STARD9: variants seen among roughly 807,000 people sequenced by gnomAD.
STARD9 encodes StAR related lipid transfer domain containing 9, also known as stAR-related lipid transfer protein 9.
In STARD9, 346 loss-of-function variants were observed where a neutral mutation model predicts 399.8. That is an observed-to-expected ratio of 0.87 (90% CI 0.79 to 0.95). The LOEUF (loss-of-function observed/expected upper bound fraction) is 0.95. Among genes scored for constraint, STARD9 ranks in the 40% least tolerant of loss-of-function variants. The pLI, the probability that STARD9 is intolerant of heterozygous loss-of-function variation, is 0.00. For synonymous variants in STARD9, 2,203 were observed against 2,143.5 expected, an observed-to-expected ratio of 1.03 and a Z score of -0.77; for missense variants, 5,832 against 5,667.5, an observed-to-expected ratio of 1.03 and a Z score of -0.93.
intron 3 of STARD9, among the ~76,000 whole-genome samples, chr15:42,618,151 G>T (rs2059011739): frequency 6.6e-6 from 1 of 151,930 alleles, no homozygotes; most frequent in South Asian, 2.1e-4. Flanking sequence ...ATTTATTTAT[G>T]ATTTACAGGG....
rs1401910127 is a variant in STARD9 at position 42,651,101 on chromosome 15, GTTTC to G, written c.629+18_629+21del. The G allele has an allele frequency of 6.6e-7, 1 of 1,516,650 alleles. No individual in the cohort carries two copies. 93.9% of individuals were successfully genotyped at this position (1,516,650 alleles called of 1,614,324 possible). ...TTGCAAACAGGTAACAGGTTTGTTTGTTTCTGTCATTCTTTTATCCTCACACTCC... is the reference window on the plus strand; with the variant it reads ...TTGCAAACAGGTAACAGGTTTGTTTGTGTCATTCTTTTATCCTCACACTCC... On this transcript the variant is annotated intron_variant, in intron 8 of 32. Transcript: ENST00000290607.
At position 42,654,171 on chromosome 15, in the gene STARD9, G is replaced by A. The variant is rs548686165; in HGVS notation, c.702+1579G>A. ...TAAAAATACCTAACAGTTAAAGGCA[G>A]TGGAGGAAGAACAGAGGAACAAAGG... On this transcript the variant is annotated intron_variant, in intron 9 of 32. Transcript: ENST00000290607. Among the ~76,000 whole-genome samples, 51 of 152,244 alleles carry A rather than the reference G, an allele frequency of 3.3e-4. 1 individual carries two copies. In the South Asian group the frequency reaches 7.3e-3, roughly 22 times the overall value.
At chr15:42,580,728 C>G (rs1441729437) in intron 1 of STARD9, among the ~76,000 whole-genome samples, 2 of 152,122 alleles carry the variant, frequency 1.3e-5, no homozygotes, top group Non-Finnish European at 2.9e-5. Context: ...AGGAGAATCG[C>G]TTGAACCCGG....
chr15:42,626,357 C>CTCT (rs1461548575), intron 3 of STARD9, among the ~76,000 whole-genome samples: 33 of 134,786 alleles, frequency 2.4e-4, no homozygotes, highest in African/African-American at 9.9e-4. Context: ...CCTCTTCTTC[C>CTCT]TCTTCCTCTT....
At chr15:42,600,472 G>A (rs1341594889) in intron 3 of STARD9, among the ~76,000 whole-genome samples, 1 of 151,982 alleles carries the variant, frequency 6.6e-6, no homozygotes, top group Non-Finnish European at 1.5e-5. Context: ...CAAATGGGGG[G>A]TGCTTGTGCA....
intron 20 of STARD9, among the ~76,000 whole-genome samples, chr15:42,677,461 G>A (rs1188937419): frequency 1.3e-5 from 2 of 152,228 alleles, no homozygotes; most frequent in African/African-American, 2.4e-5. Context: ...ACTTAGGCTG[G>A]AGCTTTTGCT....
chr15:42,585,595 G>A lies in STARD9; in HGVS notation c.192G>A (p.Trp64Ter), dbSNP rs1284188438. Residue 64 changes from tryptophan (W) to a stop codon, truncating the protein, a stop_gained, in exon 3 of 33, where the codon TGG (tryptophan) becomes TGA (stop). Coordinates refer to ENST00000290607, the MANE Select transcript of STARD9 (RefSeq NM_020759.3). LOFTEE classifies it high-confidence loss of function. ...CATTTGGCTTTGATTACTGCTACTG[G>A]TCAGTCAACCCAGAGGATCCCCAGT... is the stretch of plus-strand genomic sequence containing the variant. ...VMAFGFDYCY[W>*]SVNPEDPQYA... 6.5e-7 allele frequency: 1 copy of A among 1,537,118 alleles called. No homozygotes were observed. The highest frequency in any genetic ancestry group is 8.7e-7 in the Non-Finnish European group (1 of 1,146,822).
In STARD9 at chr15:42,680,566, C is replaced by T. The variant is rs901813986; in HGVS notation, c.1875-856C>T. ...AGTCAGCCAAGATCATGCCACTGCA[C>T]TCCAGTCTGGGTGACAGAGTGAGAC... On this transcript the variant is annotated intron_variant, in intron 20 of 32. Coordinates refer to ENST00000290607, the MANE Select transcript of STARD9 (RefSeq NM_020759.3). 6.6e-5 allele frequency among the ~76,000 whole-genome samples: 10 copies of T among 152,238 alleles called. No homozygotes were observed. The South Asian group carries it at 2.1e-3, about 32-fold the overall frequency.
chr15:42,713,263 T>G (rs530260232), intron 26 of STARD9, among the ~76,000 whole-genome samples: 18 of 152,378 alleles, frequency 1.2e-4, no homozygotes, highest in African/African-American at 4.3e-4. Flanking sequence ...GAAATAAAAT[T>G]GATTTTTATA....
At chr15:42,651,738 T>G (rs1244570400) in intron 8 of STARD9, among the ~76,000 whole-genome samples, 2 of 152,154 alleles carry the variant, frequency 1.3e-5, no homozygotes, top group African/African-American at 4.8e-5. Context: ...AAATTTAACA[T>G]TCTCCTGAGC....
chr15:42,659,115 G>C (rs1464164258), intron 9 of STARD9, among the ~76,000 whole-genome samples: 1 of 151,924 alleles, frequency 6.6e-6, no homozygotes, highest in African/African-American at 2.4e-5. Flanking sequence ...TCCCTCGAAA[G>C]AAAGAAAGAG....
At chr15:42,653,030 C>G (rs1052168287) in intron 9 of STARD9, among the ~76,000 whole-genome samples, 53 of 152,180 alleles carry the variant, frequency 3.5e-4, no homozygotes, top group African/African-American at 1.2e-3. Context: ...TCTGATAGAA[C>G]CTAATATTGT....
At chr15:42,579,606 G>C (rs910680375) in intron 1 of STARD9, among the ~76,000 whole-genome samples, 4 of 152,154 alleles carry the variant, frequency 2.6e-5, no homozygotes, top group Non-Finnish European at 5.9e-5. Flanking sequence ...GGGAGGTAGG[G>C]AGGGAAATTC....
intron 20 of STARD9, among the ~76,000 whole-genome samples, chr15:42,681,152 G>A (rs183222293): frequency 6.8e-4 from 104 of 152,208 alleles, no homozygotes; most frequent in African/African-American, 1.5e-3. Flanking sequence ...AACTTTCCTG[G>A]TGATTTTCCT....
chr15:42,636,493 A>T (rs1401885458), intron 4 of STARD9, among the ~76,000 whole-genome samples: 1 of 152,190 alleles, frequency 6.6e-6, no homozygotes, highest in Non-Finnish European at 1.5e-5. Context: ...AGGCATGAGA[A>T]TCGCTTGAAC....
In STARD9 at chr15:42,686,292, G is replaced by A; in HGVS notation, c.4714G>A (p.Gly1572Ser). The A allele has an allele frequency of 6.5e-7, 1 of 1,537,626 alleles. No homozygotes were observed. Among genetic ancestry groups the A allele is most frequent in the African/African-American group, 1.4e-5 (1 of 73,164 alleles). Residue 1572 changes from glycine to serine, a missense_variant, in exon 23 of 33, where the codon GGT becomes AGT. This residue lies in a region of STARD9 where 5,828 missense variants were observed against 5,651.1 expected (regional missense o/e 1.03). Coordinates refer to ENST00000290607, the MANE Select transcript of STARD9 (RefSeq NM_020759.3). ...EQDSLNAKLE[G>S]VSDFFSTSEK... ...GGACAGTTTAAATGCCAAATTAGAA[G>A]GTGTTTCAGATTTCTTTAGCACTAG... is the stretch of plus-strand genomic sequence containing the variant.
At chr15:42,663,985 C>A in intron 13 of STARD9, 68 bp downstream of exon 13, 3 of 1,097,318 alleles carry the variant, frequency 2.7e-6, no homozygotes, top group South Asian at 1.3e-5. Flanking sequence ...TTTTTTCTCT[C>A]GTGATTTCTT....
At chr15:42,658,100 A>G (rs925488627) in intron 9 of STARD9, among the ~76,000 whole-genome samples, 3 of 152,174 alleles carry the variant, frequency 2.0e-5, no homozygotes, top group African/African-American at 4.8e-5. Flanking sequence ...AATTGAACAG[A>G]AGTACAAATT....
At chr15:42,667,335 C>T (rs2060122290) in intron 15 of STARD9, among the ~76,000 whole-genome samples, 1 of 151,948 alleles carries the variant, frequency 6.6e-6, no homozygotes, top group Non-Finnish European at 1.5e-5. Context: ...CAGGCTCACG[C>T]CACCACGCCC....
Sources: allele counts gnomAD v4.1 joint callset (sites outside exome capture counted in the v4.1 genomes callset), GRCh38; gene constraint gnomAD v4.1.1; regional missense constraint gnomAD v4.1.1; transcripts MANE v1.5; gene names NCBI Gene and HGNC (gene_info 2026-07-23, HGNC 2026-07-21).